HMCN2: variants seen among roughly 807,000 people sequenced by gnomAD.
The protein encoded by HMCN2 is hemicentin 2.
HMCN2 carries 325 observed loss-of-function variants against 377.5 expected under a neutral mutation model. That is an observed-to-expected ratio of 0.86 (90% CI 0.79 to 0.94). The LOEUF (loss-of-function observed/expected upper bound fraction) is 0.94, where lower values mean the gene tolerates loss of function less well. Among genes scored for constraint, HMCN2 ranks in the 40% least tolerant of loss-of-function variants. The pLI, the probability that HMCN2 is intolerant of heterozygous loss-of-function variation, is 0.00. For synonymous variants in HMCN2, 2,007 were observed against 2,046.8 expected (o/e 0.98, Z 0.53); for missense variants, 4,543 against 4,725.3 (o/e 0.96, Z 1.13).
At chr9:130,352,619 G>C (rs1839796496) in intron 30 of HMCN2, among the ~76,000 whole-genome samples, 1 of 152,182 alleles carries the variant, frequency 6.6e-6, no homozygotes, top group South Asian at 2.1e-4. Context: ...CAGATGGGGA[G>C]ACTGAGGCCC....
chr9:130,355,731 G>A lies in HMCN2; in HGVS notation c.5147-15G>A, dbSNP rs932843933. 3.5e-5 allele frequency: 45 copies of A among 1,291,458 alleles called. No homozygotes were observed. The highest frequency in any genetic ancestry group is 4.5e-5 in the Non-Finnish European group (44 of 978,538). 80.0% of individuals were successfully genotyped at this position (1,291,458 alleles called of 1,614,324 possible). On this transcript the variant is annotated splice_polypyrimidine_tract_variant and intron_variant, in intron 32 of 97. Coordinates refer to ENST00000683500, the MANE Select transcript of HMCN2 (RefSeq NM_001291815.2). ...TGCTCAGCTCCAAACACCCAGGAGTGTGTTCTGCCTGCAGTGCCCCCACAG... is the reference window on the plus strand; with the variant it reads ...TGCTCAGCTCCAAACACCCAGGAGTATGTTCTGCCTGCAGTGCCCCCACAG...
intron 40 of HMCN2, among the ~76,000 whole-genome samples, chr9:130,364,306 A>C (rs1390430592): frequency 6.6e-6 from 1 of 152,184 alleles, no homozygotes; most frequent in Non-Finnish European, 1.5e-5. Context: ...CTCCCCCTGG[A>C]CCCTGCGTTC....
Position 130,349,504 on chromosome 9 carries a change from A to G in HMCN2, c.4304-33A>G, listed in dbSNP as rs367848382. ...TAGGCGGGGCTTGCAGGGTTTGAACAGTTTCCCACCCCTCACGCCTTCTCA... is the reference window on the plus strand; with the variant it reads ...TAGGCGGGGCTTGCAGGGTTTGAACGGTTTCCCACCCCTCACGCCTTCTCA... On this transcript the variant is annotated intron_variant, in intron 28 of 97. Transcript: ENST00000683500. 339 of 1,299,572 alleles carry G rather than the reference A, an allele frequency of 2.6e-4. 8 individuals carry two copies. The South Asian group carries it at 4.1e-3, about 16-fold the overall frequency. The allele number at this position is 1,299,572 out of a possible 1,614,324, so 80.5% of individuals were successfully genotyped here. A position where few individuals can be genotyped will look rare whatever the true frequency, so the allele number is the denominator to read the frequency against.
rs1588310845 is a variant in HMCN2, at chr9:130,361,928, C to A, written c.5951-80C>A. The A allele has an allele frequency of 2.2e-6, 2 of 921,722 alleles. No individual in the cohort carries two copies. The highest frequency in any genetic ancestry group is 2.6e-6 in the Non-Finnish European group (2 of 771,546). 57.1% of individuals were successfully genotyped at this position (921,722 alleles called of 1,614,324 possible). A position where few individuals can be genotyped will look rare whatever the true frequency, so the allele number is the denominator to read the frequency against. On this transcript the variant is annotated intron_variant, in intron 38 of 97. Transcript: ENST00000683500. This position sits in a 1 kb window ranked among gnomAD's most constrained non-coding sequence, Gnocchi z 4.8. ...CTTTTGCTGTGGCTGTGTGCTCCTG[C>A]AGGGGTGCCCAGCCAGGGGCCCTGC...
At position 130,355,062 on chromosome 9, in the gene HMCN2, C is replaced by A. The variant is rs1839953257; in HGVS notation, c.5146+18C>A. 3 of 1,256,434 alleles carry A rather than the reference C, an allele frequency of 2.4e-6. No individual in the cohort carries two copies. Among genetic ancestry groups the A allele is most frequent in the Admixed American group, 2.4e-5 (1 of 42,030 alleles). 77.8% of individuals were successfully genotyped at this position (1,256,434 alleles called of 1,614,324 possible). ...GGTTCAGGGTGAGCCCGGCCCACCC[C>A]ACTCAGAGCTGCCTGGGCTGTGGAC... On this transcript the variant is annotated intron_variant, in intron 32 of 97. Transcript: ENST00000683500.
At chr9:130,365,083 G>T (rs1178664099) in intron 41 of HMCN2, among the ~76,000 whole-genome samples, 194 bp downstream of exon 41, 3 of 152,218 alleles carry the variant, frequency 2.0e-5, no homozygotes, top group Non-Finnish European at 2.9e-5. Flanking sequence ...TGTTGGGTTA[G>T]AACCTTCCTC....
intron 15 of HMCN2, among the ~76,000 whole-genome samples, chr9:130,316,082 AG>A (rs2131385561): frequency 1.3e-5 from 2 of 152,220 alleles, no homozygotes; most frequent in East Asian, 3.9e-4. Flanking sequence ...TGCACCACCG[AG>A]GGTGGTTCAG....
intron 57 of HMCN2, 148 bp from the exon 58 acceptor site, chr9:130,384,225 A>G (rs1841892681): frequency 1.8e-6 from 1 of 565,010 alleles, no homozygotes; most frequent in African/African-American, 2.0e-5. Context: ...TAAGAGAGTC[A>G]TGGCAAATGG....
At chr9:130,405,089 G>A (rs75527174) in intron 81 of HMCN2, 30 bp downstream of exon 81, 58,058 of 1,254,010 alleles carry the variant, frequency 0.046, 1,551 homozygotes, top group Non-Finnish European at 0.053. Flanking sequence ...GGCACAGCAG[G>A]GAATAATGGC....
chr9:130,427,650 C>G (rs564845691), intron 92 of HMCN2, 31 bp downstream of exon 92: 2 of 1,540,944 alleles, frequency 1.3e-6, no homozygotes, highest in East Asian at 4.9e-5. Context: ...AGGGAGGAGA[C>G]GCGCTCCTCA....
chr9:130,392,719 C>T (rs552917260), intron 66 of HMCN2, among the ~76,000 whole-genome samples: 8 of 150,566 alleles, frequency 5.3e-5, no homozygotes, highest in South Asian at 2.1e-4. Context: ...TTAAGCAGGC[C>T]GGGTGCGGTG....
At chr9:130,297,196 A>G (rs781832167) in intron 7 of HMCN2, among the ~76,000 whole-genome samples, 2 of 152,242 alleles carry the variant, frequency 1.3e-5, no homozygotes, top group African/African-American at 2.4e-5. Flanking sequence ...GAAAGAACAC[A>G]TGCCAGTGAG....
At chr9:130,359,204 C>A in intron 36 of HMCN2, 115 bp from the exon 37 acceptor site, 3 of 422,326 alleles carry the variant, frequency 7.1e-6, no homozygotes, top group Admixed American at 3.4e-5. Flanking sequence ...TGTTTTAGAG[C>A]CCTTAGTCTA....
chr9:130,319,758 C>T (rs1191935507), intron 16 of HMCN2, 63 bp downstream of exon 16: 7 of 152,070 alleles, frequency 4.6e-5, no homozygotes, highest in African/African-American at 1.7e-4. Flanking sequence ...CACCCTAAAC[C>T]CCAGGCCAGG....
Position 130,404,882 on chromosome 9 carries a change from C to T in HMCN2, c.12162C>T (p.Ile4054=), listed in dbSNP as rs1029040969. 38 of 1,261,260 alleles carry T rather than the reference C, an allele frequency of 3.0e-5. No homozygotes were observed. The highest frequency in any genetic ancestry group is 3.9e-5 in the South Asian group (3 of 76,626). The allele number at this position is 1,261,260 out of a possible 1,614,324, so 78.1% of individuals were successfully genotyped here. The part of the protein sequence containing the change: ...TRLVVQVPPV[I]ENGLPDLSTT... The stretch of plus-strand genomic sequence containing the variant: ...CTCTGCCCGCAGTCCCACCAGTGAT[C>T]GAGAATGGCCTCCCAGACCTGTCCA... The change falls in exon 81 of 98, where the codon ATC becomes ATT. Residue 4054 remains isoleucine (I), a synonymous_variant. Coordinates refer to ENST00000683500, the MANE Select transcript of HMCN2 (RefSeq NM_001291815.2).
intron 4 of HMCN2, among the ~76,000 whole-genome samples, chr9:130,293,761 C>G (rs537119243): frequency 1.3e-5 from 2 of 152,318 alleles, no homozygotes; most frequent in South Asian, 4.1e-4. Flanking sequence ...CAGAGGTTCT[C>G]TGCCCCCACA....
intron 1 of HMCN2, among the ~76,000 whole-genome samples, chr9:130,281,296 C>T (rs1275957508): frequency 2.6e-5 from 4 of 152,052 alleles, no homozygotes; most frequent in African/African-American, 9.7e-5. Context: ...AGTTACGTCT[C>T]TGGGCTTCCA....
rs561631137 is a variant in HMCN2 at position 130,428,811 on chromosome 9, C to T, written c.14197+322C>T. Among the ~76,000 whole-genome samples the T allele has an allele frequency of 6.6e-6, 1 of 152,274 alleles. No individual in the cohort carries two copies. The highest frequency in any genetic ancestry group is 1.9e-4 in the East Asian group (1 of 5,184). The stretch of plus-strand genomic sequence containing the variant: ...TCCCTCTGCTGCCATCCGTTCTGTT[C>T]CCCCATATGAATCAAGGCCCAGCTA... On this transcript the variant is annotated intron_variant, in intron 93 of 97. Transcript: ENST00000683500. This position sits in a 1 kb window ranked among gnomAD's most constrained non-coding sequence, Gnocchi z 5.0.
At position 130,369,501 on chromosome 9, in the gene HMCN2, C is replaced by T. The variant is rs935855055; in HGVS notation, c.6788-69C>T. 2.4e-5 allele frequency: 22 copies of T among 907,386 alleles called. No homozygotes were observed. The highest frequency in any genetic ancestry group is 1.1e-4 in the African/African-American group (6 of 55,678). The allele number at this position is 907,386 out of a possible 1,614,324, so 56.2% of individuals were successfully genotyped here. A position where few individuals can be genotyped will look rare whatever the true frequency, so the allele number is the denominator to read the frequency against. On this transcript the variant is annotated intron_variant, in intron 44 of 97. Transcript: ENST00000683500. The surrounding 1 kb of genome is among the most constrained non-coding windows in gnomAD (Gnocchi z 4.5). ...GGAGAGGGTGTGTCCCTATTGGGCC[C>T]GGGGTAAGTGTGTGGTGCCTGGTGG...
Sources: allele counts gnomAD v4.1 joint callset (sites outside exome capture counted in the v4.1 genomes callset), GRCh38; gene constraint gnomAD v4.1.1; non-coding constraint Gnocchi (gnomAD v3.1); transcripts MANE v1.5; gene names NCBI Gene and HGNC (gene_info 2026-07-23, HGNC 2026-07-21).